The following SH3PXD2A variants were observed in gnomAD, a reference collection of about 807,000 sequenced individuals.
The protein encoded by SH3PXD2A is SH3 and PX domain-containing protein 2A.
SH3PXD2A carries 32 observed loss-of-function variants against 115.2 expected under a neutral mutation model. The observed-to-expected ratio is 0.28, with a 90% CI of 0.21 to 0.37. SH3PXD2A has a LOEUF of 0.37. Ranked by LOEUF, SH3PXD2A falls within the 10% of genes least tolerant of loss-of-function variation. SH3PXD2A has a pLI of 1.00. For missense variants in SH3PXD2A, 1,328 were observed against 1,498.7 expected, an observed-to-expected ratio of 0.89 and a Z score of 1.88; for synonymous variants, 610 against 629.1, an observed-to-expected ratio of 0.97 and a Z score of 0.45.
intron 2 of SH3PXD2A, among the ~76,000 whole-genome samples, chr10:103,778,579 C>A (rs2038902530): frequency 6.6e-6 from 1 of 152,258 alleles, no homozygotes; most frequent in Admixed American, 6.5e-5. Flanking sequence ...GGAGTAGAAA[C>A]AGCGCCCCAT....
chr10:103,827,259 A>C (rs2039439518), intron 1 of SH3PXD2A, among the ~76,000 whole-genome samples: 2 of 152,002 alleles, frequency 1.3e-5, no homozygotes, highest in South Asian at 4.2e-4. Flanking sequence ...GGGCTGGTGG[A>C]ATTCCTGCTG....
chr10:103,724,449 C>A, intron 4 of SH3PXD2A, 88 bp from the exon 5 acceptor site: 1 of 713,534 alleles, frequency 1.4e-6, no homozygotes, highest in Non-Finnish European at 2.3e-6. Flanking sequence ...CCAACAGTGA[C>A]AGAGAGGCTC....
At chr10:103,764,140 G>A (rs1054417483) in intron 3 of SH3PXD2A, among the ~76,000 whole-genome samples, 2 of 152,318 alleles carry the variant, frequency 1.3e-5, no homozygotes, top group African/African-American at 2.4e-5. Flanking sequence ...GCATCAGGGC[G>A]GTGGGGGTGG....
intron 4 of SH3PXD2A, among the ~76,000 whole-genome samples, chr10:103,731,261 A>G (rs2038316606): frequency 1.3e-5 from 2 of 151,664 alleles, no homozygotes; most frequent in South Asian, 4.2e-4. Flanking sequence ...CCCAGGCTCA[A>G]GTGACCCTCC....
chr10:103,607,267 C>T (rs1353254943), intron 13 of SH3PXD2A, among the ~76,000 whole-genome samples: 4 of 151,846 alleles, frequency 2.6e-5, no homozygotes, highest in Non-Finnish European at 5.9e-5. Flanking sequence ...GGCAACCGCC[C>T]CGTCTGAGAA....
At chr10:103,735,926 G>A (rs571083398) in intron 3 of SH3PXD2A, 118 bp from the exon 4 acceptor site, 216 of 813,428 alleles carry the variant, frequency 2.7e-4, no homozygotes, top group Admixed American at 7.7e-4. Flanking sequence ...CCACCACCCC[G>A]TCCACGGTCA....
Position 103,627,061 on chromosome 10 carries a change from C to G in SH3PXD2A, c.718+28G>C, listed in dbSNP as rs757842987. On this transcript the variant is annotated intron_variant, in intron 9 of 14. Transcript: ENST00000369774. The surrounding 1 kb of genome is among the most constrained non-coding windows in gnomAD (Gnocchi z 4.4). ...GCTGCCTCCAGAGGCCGCGTTGCTC[C>G]CTGCCCCTTGGACCTGCAAGCCCTC... 1 of 1,322,428 alleles carries G rather than the reference C, an allele frequency of 7.6e-7. No individual in the cohort carries two copies. Among genetic ancestry groups the G allele is most frequent in the Non-Finnish European group, 1.1e-6 (1 of 913,950 alleles). 81.9% of individuals were successfully genotyped at this position (1,322,428 alleles called of 1,614,324 possible). A position where few individuals can be genotyped will look rare whatever the true frequency, so the allele number is the denominator to read the frequency against.
intron 3 of SH3PXD2A, among the ~76,000 whole-genome samples, chr10:103,749,128 T>C (rs1243339577): frequency 1.3e-5 from 2 of 152,180 alleles, no homozygotes; most frequent in Non-Finnish European, 2.9e-5. Flanking sequence ...TGACCTCAGG[T>C]GATCCACCCG....
intron 1 of SH3PXD2A, among the ~76,000 whole-genome samples, chr10:103,812,983 A>G (rs1335893377): frequency 6.6e-6 from 1 of 152,206 alleles, no homozygotes; most frequent in Non-Finnish European, 1.5e-5. Context: ...GTGTGTATGT[A>G]TATAAAGATA....
chr10:103,627,126 C>T lies in SH3PXD2A; in HGVS notation c.681G>A (p.Arg227=), dbSNP rs2036710386. 1 of 1,613,088 alleles carries T rather than the reference C, an allele frequency of 6.2e-7. No homozygotes were observed. The part of the protein sequence containing the change: ...ATYLEAQNGT[R]DDSDINTSKT... Reference sequence around the variant, plus strand: ...TAGAGGTGTTGATGTCGGAGTCATCCCGAGTACCATTCTGGGCCTCCAGGT... The same window carrying T: ...TAGAGGTGTTGATGTCGGAGTCATCTCGAGTACCATTCTGGGCCTCCAGGT... Residue 227 remains arginine (R), a synonymous_variant, in exon 9 of 15, where the codon CGG becomes CGA. Coordinates refer to ENST00000369774, the MANE Select transcript of SH3PXD2A (RefSeq NM_001394015.1). This position sits in a 1 kb window ranked among gnomAD's most constrained non-coding sequence, Gnocchi z 4.4.
chr10:103,749,154 G>A (rs1052068073), intron 3 of SH3PXD2A, among the ~76,000 whole-genome samples: 22 of 152,030 alleles, frequency 1.4e-4, no homozygotes, highest in African/African-American at 4.6e-4. Context: ...GCCTCCCAAA[G>A]GTGGGAGCCA....
At chr10:103,654,837 GAAGTAACC>G (rs1194309089) in intron 8 of SH3PXD2A, among the ~76,000 whole-genome samples, 1 of 152,004 alleles carries the variant, frequency 6.6e-6, no homozygotes, top group Non-Finnish European at 1.5e-5. Context: ...ATCAGCACAG[GAAGTAACC>G]AAATCAAGAT....
intron 5 of SH3PXD2A, among the ~76,000 whole-genome samples, chr10:103,701,133 T>C (rs1415674047): frequency 1.9e-5 from 1 of 53,386 alleles, no homozygotes; most frequent in Non-Finnish European, 3.5e-5. Flanking sequence ...CATCCATCCA[T>C]CATCCATCCA....
intron 8 of SH3PXD2A, among the ~76,000 whole-genome samples, chr10:103,646,461 A>T (rs1288427954): frequency 6.6e-6 from 1 of 152,194 alleles, no homozygotes; most frequent in Non-Finnish European, 1.5e-5. Context: ...GTGACTGGTC[A>T]GGCAGTGGTG....
intron 9 of SH3PXD2A, among the ~76,000 whole-genome samples, chr10:103,626,419 T>C (rs2036695478): frequency 6.6e-6 from 1 of 152,020 alleles, no homozygotes; most frequent in African/African-American, 2.4e-5. Context: ...TGGAAGCCAT[T>C]AGGAGCAGGC....
In SH3PXD2A at chr10:103,709,527, C is replaced by T. The variant is rs116173093; in HGVS notation, c.398+14743G>A. On this transcript the variant is annotated intron_variant, in intron 5 of 14. Coordinates refer to ENST00000369774, the MANE Select transcript of SH3PXD2A (RefSeq NM_001394015.1). ...AAACCCACGTAGCTGAGAGATGAGT[C>T]GTGTTTTGTGGGCGCTAATGAGCCA... is the stretch of plus-strand genomic sequence containing the variant. 4.3e-3 allele frequency among the ~76,000 whole-genome samples: 659 copies of T among 152,316 alleles called. 7 individuals are homozygous for T. The highest frequency in any genetic ancestry group is 0.015 in the African/African-American group (637 of 41,586).
At chr10:103,738,165 A>G (rs2038400893) in intron 3 of SH3PXD2A, among the ~76,000 whole-genome samples, 1 of 152,212 alleles carries the variant, frequency 6.6e-6, no homozygotes, top group Admixed American at 6.5e-5. Flanking sequence ...CAGACAGACG[A>G]CATCACCAAG....
chr10:103,798,710 G>T (rs900229728), intron 2 of SH3PXD2A, among the ~76,000 whole-genome samples: 2 of 152,174 alleles, frequency 1.3e-5, no homozygotes, highest in Admixed American at 1.3e-4. Flanking sequence ...AAACATTTCT[G>T]AGAGCTGCCC....
chr10:103,853,137 C>T (rs930811873), intron 1 of SH3PXD2A, among the ~76,000 whole-genome samples: 15 of 152,174 alleles, frequency 9.9e-5, no homozygotes, highest in African/African-American at 3.1e-4. Flanking sequence ...GATTCTTACT[C>T]GGGAAGCGGA....
Sources: gnomAD v4.1 joint callset for allele counts (sites outside exome capture counted in the v4.1 genomes callset) on GRCh38, gnomAD v4.1.1 for gene constraint, Gnocchi (gnomAD v3.1) non-coding constraint, MANE v1.5 for transcripts, NCBI Gene and HGNC (gene_info 2026-07-23, HGNC 2026-07-21) for gene names.